Variants in TSPAN18 observed in about 807,000 individuals in gnomAD.
The protein encoded by TSPAN18 is tetraspanin 18.
In TSPAN18, 14 loss-of-function variants were observed where a neutral mutation model predicts 27.3. The ratio of observed to expected loss-of-function variants is 0.51; its 90% CI spans 0.34 to 0.80. TSPAN18 has a LOEUF of 0.80. Among genes scored for constraint, TSPAN18 ranks in the 30% least tolerant of loss-of-function variants. The pLI, the probability that TSPAN18 is intolerant of heterozygous loss-of-function variation, is 0.01. For missense variants in TSPAN18, 268 were observed against 323.9 expected, an observed-to-expected ratio of 0.83 and a Z score of 1.32; for synonymous variants, 143 against 136.5, an observed-to-expected ratio of 1.05 and a Z score of -0.33.
At chr11:44,851,748 T>C (rs1219144145) in intron 2 of TSPAN18, among the ~76,000 whole-genome samples, 1 of 152,088 alleles carries the variant, frequency 6.6e-6, no homozygotes, top group African/African-American at 2.4e-5. Context: ...CTTGGCTGTG[T>C]CCTCTGCTTA....
At chr11:44,850,374 C>T (rs182639450) in intron 2 of TSPAN18, among the ~76,000 whole-genome samples, 20 of 152,160 alleles carry the variant, frequency 1.3e-4, no homozygotes, top group African/African-American at 4.6e-4. Context: ...GGAAAGTTCT[C>T]CTTTAGGGTG....
At chr11:44,743,718 G>A (rs902621118) in intron 1 of TSPAN18, among the ~76,000 whole-genome samples, 2 of 152,200 alleles carry the variant, frequency 1.3e-5, no homozygotes, top group South Asian at 2.1e-4. Context: ...CAGCCCTTTC[G>A]GGAGTTTCTG....
At chr11:44,850,284 G>A (rs1356573425) in intron 2 of TSPAN18, among the ~76,000 whole-genome samples, 2 of 152,152 alleles carry the variant, frequency 1.3e-5, no homozygotes, top group African/African-American at 2.4e-5. Context: ...CATTTCAGGT[G>A]GGGTTAGAAC....
chr11:44,786,247 A>T (rs1026159389), intron 2 of TSPAN18, among the ~76,000 whole-genome samples: 3 of 152,222 alleles, frequency 2.0e-5, no homozygotes, highest in Admixed American at 1.3e-4. Context: ...GAGCAGACTG[A>T]GGCTCAGAGG....
chr11:44,844,879 C>T (rs1397569321), intron 2 of TSPAN18, among the ~76,000 whole-genome samples: 1 of 152,172 alleles, frequency 6.6e-6, no homozygotes, highest in Non-Finnish European at 1.5e-5. Flanking sequence ...GGTCCATCTA[C>T]CTCACCTTGC....
At chr11:44,919,685 T>C in intron 7 of TSPAN18, 132 bp from the exon 8 acceptor site, 1 of 866,854 alleles carries the variant, frequency 1.2e-6, no homozygotes, top group Non-Finnish European at 1.9e-6. Context: ...GGTCACACAG[T>C]GGTGACAGGT....
chr11:44,880,352 C>T (rs835839), intron 3 of TSPAN18, among the ~76,000 whole-genome samples: 19,961 of 152,226 alleles, frequency 0.13, 1,496 homozygotes, highest in East Asian at 0.17. Flanking sequence ...GAGAGACCCT[C>T]GTGCTCTGTT....
chr11:44,919,799 T>C lies in TSPAN18; in HGVS notation c.433-18T>C. 1 of 1,613,786 alleles carries C rather than the reference T, an allele frequency of 6.2e-7. No individual in the cohort carries two copies. The highest frequency in any genetic ancestry group is 8.5e-7 in the Non-Finnish European group (1 of 1,179,802). ...CCTCCTCCTGCCCACCAGAACCTTC[T>C]CTGGGATCTCCCCCTAGTTTGGTTG... is the stretch of plus-strand genomic sequence containing the variant. On this transcript the variant is annotated intron_variant, in intron 7 of 9. Transcript: ENST00000520358.
intron 3 of TSPAN18, among the ~76,000 whole-genome samples, chr11:44,896,072 G>C (rs960797717): frequency 4.6e-5 from 7 of 152,152 alleles, no homozygotes; most frequent in Admixed American, 1.3e-4. Context: ...GCACATAGTA[G>C]CAACTCAATG....
intron 2 of TSPAN18, among the ~76,000 whole-genome samples, chr11:44,849,536 C>T (rs1449028695): frequency 1.3e-5 from 2 of 152,126 alleles, no homozygotes; most frequent in South Asian, 2.1e-4. Flanking sequence ...ACGGGCTAGG[C>T]CTGGGGGTGC....
chr11:44,854,374 AC>A (rs1345617141), intron 2 of TSPAN18, among the ~76,000 whole-genome samples: 1 of 152,112 alleles, frequency 6.6e-6, no homozygotes, highest in Non-Finnish European at 1.5e-5. Flanking sequence ...CCCTCTCAGA[AC>A]AGAACATGAG....
At chr11:44,878,766 A>T (rs753325632) in intron 3 of TSPAN18, among the ~76,000 whole-genome samples, 49 of 152,372 alleles carry the variant, frequency 3.2e-4, no homozygotes, top group Non-Finnish European at 2.8e-4. Flanking sequence ...GAAATAAAAC[A>T]GGAGATTTAT....
chr11:44,772,736 G>A (rs539745780), intron 2 of TSPAN18, among the ~76,000 whole-genome samples: 20 of 152,248 alleles, frequency 1.3e-4, no homozygotes, highest in African/African-American at 4.8e-4. Flanking sequence ...TCAGCTCACT[G>A]CAACTTCCGC....
At chr11:44,852,513 T>C (rs1857630878) in intron 2 of TSPAN18, among the ~76,000 whole-genome samples, 1 of 120,966 alleles carries the variant, frequency 8.3e-6, no homozygotes, top group Non-Finnish European at 2.0e-5. Context: ...TGCTACTTGA[T>C]ATGTTGGCTT....
intron 4 of TSPAN18, among the ~76,000 whole-genome samples, chr11:44,907,235 G>GC (rs1452420452): frequency 6.6e-6 from 1 of 152,168 alleles, no homozygotes; most frequent in Non-Finnish European, 1.5e-5. Context: ...TGAAGGCTCT[G>GC]CTCAGACTCA....
intron 1 of TSPAN18, among the ~76,000 whole-genome samples, chr11:44,741,692 T>C (rs563603070): frequency 1.4e-4 from 21 of 152,288 alleles, no homozygotes; most frequent in Non-Finnish European, 2.2e-4. Flanking sequence ...AATTCTAGTT[T>C]TGGAGTCCCA....
At chr11:44,787,950 G>A (rs2134971586) in intron 2 of TSPAN18, among the ~76,000 whole-genome samples, 1 of 152,196 alleles carries the variant, frequency 6.6e-6, no homozygotes, top group Middle Eastern at 3.4e-3. Flanking sequence ...GTTCACTGTG[G>A]ACCTACTAGG....
chr11:44,918,669 T>C (rs534565700), intron 6 of TSPAN18, among the ~76,000 whole-genome samples: 1 of 152,110 alleles, frequency 6.6e-6, no homozygotes, highest in African/African-American at 2.4e-5. Context: ...CACCACAGCC[T>C]GTGAGCAGAC....
In TSPAN18 at chr11:44,869,418, C is replaced by T. The variant is rs189942263; in HGVS notation, c.-11+8949C>T. 3.6e-3 allele frequency among the ~76,000 whole-genome samples: 553 copies of T among 152,302 alleles called. 2 individuals carry two copies. The highest frequency in any genetic ancestry group is 5.4e-3 in the Non-Finnish European group (364 of 68,024). ...TAGTCTAAAATGGGTTTGGTAAATA[C>T]CCACTTCTCACTCGTGGAGAGGTTA... On this transcript the variant is annotated intron_variant, in intron 3 of 9. Transcript: ENST00000520358.
Sources: gnomAD v4.1 joint callset for allele counts (sites outside exome capture counted in the v4.1 genomes callset) on GRCh38, gnomAD v4.1.1 for gene constraint, MANE v1.5 for transcripts, NCBI Gene and HGNC (gene_info 2026-07-23, HGNC 2026-07-21) for gene names.